Variants in ANKFY1 observed in about 807,000 individuals in gnomAD.
ANKFY1 encodes ankyrin repeat and FYVE domain-containing protein 1.
Under a neutral mutation model 128.3 loss-of-function variants are expected in ANKFY1, and 47 were observed. The ratio of observed to expected loss-of-function variants is 0.37; its 90% confidence interval spans 0.29 to 0.47. The LOEUF is 0.47. Ranked by LOEUF, ANKFY1 falls within the 20% of genes least tolerant of loss-of-function variation. The probability of loss-of-function intolerance (pLI) is 1.00; values close to 1 mark genes in which losing one functional copy is unlikely to be tolerated. For synonymous variants in ANKFY1, 553 were observed against 601.6 expected (o/e 0.92, Z 1.18); for missense variants, 1,222 against 1,510.6 (o/e 0.81, Z 3.17).
chr17:4,230,898 T>G (rs966667115), intron 3 of ANKFY1, among the ~76,000 whole-genome samples: 1 of 152,210 alleles, frequency 6.6e-6, no homozygotes, highest in African/African-American at 2.4e-5. Context: ...TATATAACCA[T>G]AGTACAATGA....
intron 9 of ANKFY1, 77 bp from the exon 10 acceptor site, chr17:4,195,254 C>T (rs2059796232): frequency 6.8e-7 from 1 of 1,468,382 alleles, no homozygotes; most frequent in Non-Finnish European, 9.2e-7. Flanking sequence ...CTGGTTCTTT[C>T]TCTTTACCCT....
chr17:4,211,622 C>T (rs2060132406), intron 4 of ANKFY1, among the ~76,000 whole-genome samples: 1 of 152,072 alleles, frequency 6.6e-6, no homozygotes, highest in Admixed American at 6.6e-5. Flanking sequence ...AATCCCAGCA[C>T]TCTGGGAGGC....
rs771197727 is a variant in ANKFY1, at chr17:4,172,537, C to T, written c.3139+19G>A. The T allele has an allele frequency of 1.2e-6, 2 of 1,609,988 alleles. No homozygotes were observed. Among genetic ancestry groups the T allele is most frequent in the East Asian group, 4.5e-5 (2 of 44,844 alleles). ...AGGTGCGCAAGTGAGACGGGACATA[C>T]CCAGCCCTTGGTACACACCCGTGCT... On this transcript the variant is annotated intron_variant, in intron 22 of 24. Transcript: ENST00000341657.
chr17:4,211,643 G>A (rs1260266016), intron 4 of ANKFY1, among the ~76,000 whole-genome samples: 3 of 151,380 alleles, frequency 2.0e-5, no homozygotes, highest in African/African-American at 4.9e-5. Context: ...CAAGGCAGGA[G>A]GAGTACTTGT....
chr17:4,183,611 C>T, intron 13 of ANKFY1, 60 bp from the exon 14 acceptor site: 1 of 1,591,750 alleles, frequency 6.3e-7, no homozygotes, highest in Admixed American at 1.7e-5. Flanking sequence ...CAACATCTTA[C>T]TACAACAGCC....
chr17:4,197,334 G>A (rs924005438), intron 8 of ANKFY1, 39 bp downstream of exon 8: 1 of 1,602,642 alleles, frequency 6.2e-7, no homozygotes, highest in African/African-American at 1.3e-5. Flanking sequence ...TATCTTCTGA[G>A]AACAGTGCTA....
intron 10 of ANKFY1, among the ~76,000 whole-genome samples, chr17:4,193,417 CTCTTTTTTTT>C (rs756707927): frequency 3.5e-5 from 3 of 86,208 alleles, no homozygotes; most frequent in Admixed American, 3.6e-4. Flanking sequence ...CACCAGTCGA[CTCTTTTTTTT>C]TTTTTTTTTT....
In ANKFY1 at chr17:4,169,567, G is replaced by A. The variant is rs1236077647; in HGVS notation, c.3287-279C>T. ...GGGAAACACGTAGTCAGGGATGGCT[G>A]GGATGGAAGGCACGGTAGGGAGAGA... On this transcript the variant is annotated intron_variant, in intron 23 of 24. Transcript: ENST00000341657. The surrounding 1 kb of genome is among the most constrained non-coding windows in gnomAD (Gnocchi z 5.0). 6.6e-6 allele frequency among the ~76,000 whole-genome samples: 1 copy of A among 152,186 alleles called. No homozygotes were observed. Among genetic ancestry groups the A allele is most frequent in the African/African-American group, 2.4e-5 (1 of 41,446 alleles).
At chr17:4,204,117 GACTAAACCAAAATC>G (rs2059982220) in intron 7 of ANKFY1, among the ~76,000 whole-genome samples, 1 of 152,040 alleles carries the variant, frequency 6.6e-6, no homozygotes, top group Admixed American at 6.6e-5. Context: ...TGTGTGCTCA[GACTAAACCAAAATC>G]TCATATATTA....
chr17:4,236,018 G>A (rs1370068774), intron 2 of ANKFY1, 128 bp from the exon 3 acceptor site: 1 of 660,520 alleles, frequency 1.5e-6, no homozygotes, highest in Non-Finnish European at 2.7e-6. Flanking sequence ...TTACAGCGAA[G>A]AATTATTCCT....
chr17:4,236,517 T>A (rs1966913277), intron 2 of ANKFY1, among the ~76,000 whole-genome samples: 1 of 150,858 alleles, frequency 6.6e-6, no homozygotes, highest in Non-Finnish European at 1.5e-5. Context: ...AATTATGACA[T>A]GCCATTATAT....
At chr17:4,218,690 A>T (rs1261892823) in intron 3 of ANKFY1, among the ~76,000 whole-genome samples, 1 of 152,212 alleles carries the variant, frequency 6.6e-6, no homozygotes, top group Non-Finnish European at 1.5e-5. Flanking sequence ...AAAAAAATTA[A>T]ACAAAATAAA....
intron 7 of ANKFY1, among the ~76,000 whole-genome samples, chr17:4,202,449 A>G (rs1301712300): frequency 2.6e-5 from 4 of 151,116 alleles, no homozygotes; most frequent in Admixed American, 2.6e-4. Flanking sequence ...CTGTAATCCC[A>G]TCACTTTGGG....
Position 4,226,434 on chromosome 17 carries a change from C to T in ANKFY1, c.323-9316G>A, listed in dbSNP as rs193085758. Among the ~76,000 whole-genome samples, 133 of 151,874 alleles carry T rather than the reference C, an allele frequency of 8.8e-4. 2 individuals are homozygous for T. The highest frequency in any genetic ancestry group is 9.7e-5 in the African/African-American group (4 of 41,396). On this transcript the variant is annotated intron_variant, in intron 3 of 24. Transcript: ENST00000341657. ...CCCAGCTACTAAAAAATTCACAGGA[C>T]GCAGCTAGAAGGAAATTCAAAGCTT... is the stretch of plus-strand genomic sequence containing the variant.
At chr17:4,213,435 T>C (rs2060170288) in intron 4 of ANKFY1, among the ~76,000 whole-genome samples, 2 of 152,084 alleles carry the variant, frequency 1.3e-5, no homozygotes, top group African/African-American at 2.4e-5. Context: ...ACTGACTTGG[T>C]GTAAGGAAGC....
intron 3 of ANKFY1, among the ~76,000 whole-genome samples, chr17:4,232,857 C>G (rs553735427): frequency 1.5e-4 from 23 of 152,198 alleles, no homozygotes; most frequent in Non-Finnish European, 4.4e-5. Flanking sequence ...TGTGTTGTGT[C>G]GTTTTGTTTC....
At chr17:4,246,412 A>G (rs1967543455) in intron 1 of ANKFY1, among the ~76,000 whole-genome samples, 1 of 152,134 alleles carries the variant, frequency 6.6e-6, no homozygotes, top group Non-Finnish European at 1.5e-5. Flanking sequence ...AAATACAAAT[A>G]ATTATGAGCC....
chr17:4,254,035 G>A (rs147466272), intron 1 of ANKFY1, among the ~76,000 whole-genome samples: 33 of 152,282 alleles, frequency 2.2e-4, no homozygotes, highest in African/African-American at 6.7e-4. Context: ...GCTGGCCGCG[G>A]TGGCTCACGC....
Position 4,209,255 on chromosome 17 carries a change from G to A in ANKFY1, c.582+569C>T, listed in dbSNP as rs565104253. Among the ~76,000 whole-genome samples the A allele has an allele frequency of 2.5e-3, 377 of 152,330 alleles. 3 individuals are homozygous for A. The highest frequency in any genetic ancestry group is 8.6e-3 in the African/African-American group (359 of 41,572). Reference sequence around the variant, plus strand: ...TCAGCAGCAGCTTCCACAGATGGAGGGTGAAGGCAGGTGATGCTTCCAAGC... The same window carrying A: ...TCAGCAGCAGCTTCCACAGATGGAGAGTGAAGGCAGGTGATGCTTCCAAGC... On this transcript the variant is annotated intron_variant, in intron 5 of 24. Transcript: ENST00000341657.
Sources: gnomAD v4.1 joint callset for allele counts (sites outside exome capture counted in the v4.1 genomes callset) on GRCh38, gnomAD v4.1.1 for gene constraint, Gnocchi (gnomAD v3.1) non-coding constraint, MANE v1.5 for transcripts, NCBI Gene and HGNC (gene_info 2026-07-23, HGNC 2026-07-21) for gene names.